The following ELP6 variants were observed in gnomAD, a reference collection of about 807,000 sequenced individuals.
ELP6 encodes elongator acetyltransferase complex subunit 6, also known as elongator complex protein 6.
ELP6 carries 23 observed loss-of-function variants against 28.1 expected under a neutral mutation model. The ratio of observed to expected loss-of-function variants is 0.82; its 90% CI spans 0.59 to 1.16. The LOEUF is 1.16. ELP6 is among the 50% of genes most tolerant of loss of function. The pLI, the probability that ELP6 is intolerant of heterozygous loss-of-function variation, is 0.00. For synonymous variants in ELP6, 132 were observed against 135.8 expected (o/e 0.97, Z 0.19); for missense variants, 313 against 334.6 (o/e 0.94, Z 0.50).
chr3:47,506,619 G>T (rs986815305), intron 3 of ELP6, among the ~76,000 whole-genome samples: 3 of 152,214 alleles, frequency 2.0e-5, no homozygotes, highest in African/African-American at 4.8e-5. Flanking sequence ...CTCACCAGCG[G>T]TCAGAGTTTA....
intron 3 of ELP6, among the ~76,000 whole-genome samples, chr3:47,506,488 G>C (rs1708841092): frequency 6.6e-6 from 1 of 152,154 alleles, no homozygotes; most frequent in Non-Finnish European, 1.5e-5. Flanking sequence ...GGCCAGTTCA[G>C]AGACCCACCC....
rs1368669191 is a variant in ELP6, at chr3:47,496,263, C to A, written c.673-66G>T. On this transcript the variant is annotated intron_variant, in intron 6 of 6. Coordinates refer to ENST00000296149, the MANE Select transcript of ELP6 (RefSeq NM_001031703.3). ...AGGACCTGCTCCACTGGGAACCCCA[C>A]CCTACCTTCTCTGTGCCCTTCAGCT... 6 of 1,575,198 alleles carry A rather than the reference C, an allele frequency of 3.8e-6. No homozygotes were observed. The East Asian group carries it at 1.4e-4, about 36-fold the overall frequency.
chr3:47,507,375 A>C (rs1489400083), intron 3 of ELP6, among the ~76,000 whole-genome samples: 6 of 151,868 alleles, frequency 4.0e-5, no homozygotes, highest in Non-Finnish European at 8.8e-5. Context: ...AAAAAAAAAA[A>C]AAAACAAAAG....
intron 5 of ELP6, 55 bp from the exon 6 acceptor site, chr3:47,498,487 C>A: frequency 6.3e-7 from 1 of 1,588,756 alleles, no homozygotes. Flanking sequence ...CACCCAGAGT[C>A]AGGGAGTGCC....
intron 1 of ELP6, 80 bp from the exon 2 acceptor site, chr3:47,511,306 C>T (rs1321943733): frequency 2.0e-5 from 30 of 1,525,178 alleles, no homozygotes; most frequent in Non-Finnish European, 2.6e-5. Context: ...TCAATTGTGT[C>T]CACACCTTAA....
At chr3:47,501,619 G>A in intron 5 of ELP6, 31 bp downstream of exon 5, 1 of 1,607,450 alleles carries the variant, frequency 6.2e-7, no homozygotes, top group Non-Finnish European at 8.5e-7. Flanking sequence ...GAGGTCACAG[G>A]TGGGCGCAGA....
In ELP6 at chr3:47,513,695, G is replaced by A; in HGVS notation, c.-105C>T. The A allele has an allele frequency of 6.9e-7, 1 of 1,443,046 alleles. No homozygotes were observed. The highest frequency in any genetic ancestry group is 9.5e-7 in the Non-Finnish European group (1 of 1,052,910). The allele number at this position is 1,443,046 out of a possible 1,614,324, so 89.4% of individuals were successfully genotyped here. A position where few individuals can be genotyped will look rare whatever the true frequency, so the allele number is the denominator to read the frequency against. On this transcript the variant is annotated 5_prime_UTR_variant, in exon 1 of 7. Transcript: ENST00000296149. ...CCGACAGCCCGGCTCGCGCAAGGAA[G>A]CGCGCATGCGCAATGCCACTTTTGC...
chr3:47,496,493 A>G (rs1190563772), intron 6 of ELP6: 3 of 839,450 alleles, frequency 3.6e-6, no homozygotes, highest in Non-Finnish European at 4.3e-6. Flanking sequence ...AAGTATTTTT[A>G]TGTTTTTTTT....
At chr3:47,504,237 T>G (rs1708756813) in intron 4 of ELP6, 93 bp downstream of exon 4, 1 of 1,448,472 alleles carries the variant, frequency 6.9e-7, no homozygotes, top group Non-Finnish European at 9.2e-7. Flanking sequence ...TCCATCCTCC[T>G]GCACAATAAG....
intron 4 of ELP6, 195 bp downstream of exon 4, chr3:47,504,135 T>C: frequency 1.6e-6 from 1 of 630,104 alleles, no homozygotes. Flanking sequence ...TCTATAGCTT[T>C]TGGGACAAAT....
intron 4 of ELP6, 33 bp from the exon 5 acceptor site, chr3:47,501,884 A>C (rs756387698): frequency 1.9e-6 from 3 of 1,587,534 alleles, no homozygotes; most frequent in Admixed American, 1.8e-5. Flanking sequence ...ACCAGACTTC[A>C]CTCTCTCTAC....
rs778658835 is a variant in ELP6 at position 47,501,700 on chromosome 3, C to T, written c.475G>A (p.Val159Met). The T allele has an allele frequency of 3.1e-6, 5 of 1,613,988 alleles. No homozygotes were observed. Among genetic ancestry groups the T allele is most frequent in the African/African-American group, 1.3e-5 (1 of 74,902 alleles). Residue 159 changes from valine (V) to methionine (M), a missense_variant, in exon 5 of 7, where the codon GTG (valine) becomes ATG (methionine). By Grantham distance (21) the Val-to-Met change is conservative. Coordinates refer to ENST00000296149, the MANE Select transcript of ELP6 (RefSeq NM_001031703.3). ...CTGCAGTAGTGAATGAAGTCTAGCA[C>T]AGCCACCGCCCCCATGCCCAGGCTC... Reference protein sequence around the residue: ...LLSLGMGAVAVLDFIHYCRAT... With the variant: ...LLSLGMGAVAMLDFIHYCRAT...
chr3:47,506,665 T>C (rs1708847854), intron 3 of ELP6, among the ~76,000 whole-genome samples: 1 of 152,184 alleles, frequency 6.6e-6, no homozygotes, highest in African/African-American at 2.4e-5. Flanking sequence ...ATTGCTGTTA[T>C]CCTGTTCTTT....
At chr3:47,503,704 C>T (rs905295021) in intron 4 of ELP6, among the ~76,000 whole-genome samples, 1 of 152,036 alleles carries the variant, frequency 6.6e-6, no homozygotes, top group Non-Finnish European at 1.5e-5. Context: ...AGATCGAGAC[C>T]ATGGTGAAAC....
chr3:47,513,559 G>C lies in ELP6; in HGVS notation c.32C>G (p.Thr11Ser), dbSNP rs760743342. The change falls in exon 1 of 7, where the codon ACC becomes AGC. Residue 11 changes from threonine (T) to serine (S), a missense_variant. By Grantham distance (58) the Thr-to-Ser change is moderately conservative. Transcript: ENST00000296149. MFVELNNLLN[T>S]TPDRAEQGKL... ...TACCTGCTCCGCCCTGTCGGGGGTGGTGTTAAGCAGGTTATTAAGTTCCAC... is the reference window on the plus strand; with the variant it reads ...TACCTGCTCCGCCCTGTCGGGGGTGCTGTTAAGCAGGTTATTAAGTTCCAC... The C allele has an allele frequency of 1.2e-6, 2 of 1,612,958 alleles. No homozygotes were observed. The highest frequency in any genetic ancestry group is 3.3e-5 in the Admixed American group (2 of 59,888).
At chr3:47,513,418 C>T in intron 1 of ELP6, 119 bp downstream of exon 1, 1 of 1,500,258 alleles carries the variant, frequency 6.7e-7, no homozygotes, top group Non-Finnish European at 8.8e-7. Context: ...ACTACAACTC[C>T]CAGGTACCCC....
rs941982235 is a variant in ELP6 at position 47,510,370 on chromosome 3, A to G, written c.134-116T>C. 2.2e-5 allele frequency: 16 copies of G among 712,962 alleles called. No individual in the cohort carries two copies. The East Asian group carries it at 3.8e-4, about 17-fold the overall frequency. 44.2% of individuals were successfully genotyped at this position (712,962 alleles called of 1,614,324 possible). ...AATCTAGAGACCCAGAGGCTTTGCA[A>G]CCTGACATACGCAATTTGATTCTAA... On this transcript the variant is annotated intron_variant, in intron 2 of 6. Coordinates refer to ENST00000296149, the MANE Select transcript of ELP6 (RefSeq NM_001031703.3).
chr3:47,511,039 C>A (rs954468131), intron 2 of ELP6, 109 bp downstream of exon 2: 15 of 926,182 alleles, frequency 1.6e-5, no homozygotes, highest in Admixed American at 2.3e-5. Flanking sequence ...TATCCCAACA[C>A]CAAGGCTTGG....
chr3:47,512,977 A>G lies in ELP6; in HGVS notation c.54+560T>C, dbSNP rs193067840. 52 of 978,998 alleles carry G rather than the reference A, an allele frequency of 5.3e-5. No individual in the cohort carries two copies. The East Asian group carries it at 4.8e-3, about 91-fold the overall frequency. The allele number at this position is 978,998 out of a possible 1,614,324, so 60.6% of individuals were successfully genotyped here. ...ATATAACCCAACCCCACTGTCGGCC[A>G]TGCTTCCCAGGTACTTTTTTTTTTT... On this transcript the variant is annotated intron_variant, in intron 1 of 6. Transcript: ENST00000296149.
Sources: allele counts gnomAD v4.1 joint callset (sites outside exome capture counted in the v4.1 genomes callset), GRCh38; gene constraint gnomAD v4.1.1; transcripts MANE v1.5; gene names NCBI Gene and HGNC (gene_info 2026-07-23, HGNC 2026-07-21).